C17orf50: variants seen among roughly 807,000 people sequenced by gnomAD.
The protein encoded by C17orf50 is uncharacterized protein C17orf50.
Under a neutral mutation model 17.7 loss-of-function variants are expected in C17orf50, and 16 were observed. The ratio of observed to expected loss-of-function variants is 0.90; its 90% CI spans 0.61 to 1.37. The LOEUF is 1.37. C17orf50 is among the 40% of genes most tolerant of loss of function. C17orf50 has a pLI of 0.00. For synonymous variants in C17orf50, 125 were observed against 111.0 expected (o/e 1.13, Z -0.80); for missense variants, 271 against 240.7 (o/e 1.13, Z -0.83).
Position 35,764,500 on chromosome 17 carries a change from G to C in C17orf50, c.407G>C (p.Cys136Ser). The change falls in exon 3 of 3, where the codon TGC (cysteine) becomes TCC (serine). Residue 136 changes from cysteine to serine, a missense_variant. By Grantham distance (112) the Cys-to-Ser change is moderately radical (BLOSUM62 -1). Coordinates refer to ENST00000605587, the MANE Select transcript of C17orf50 (RefSeq NM_145272.4). The part of the protein sequence containing the change: ...RRPPRRGGCA[C>S]CELLFCKKCR... Reference sequence around the variant, plus strand: ...CCGCCGCGCCGCGGGGGCTGTGCTTGCTGCGAGCTCCTCTTCTGCAAGAAA... The same window carrying C: ...CCGCCGCGCCGCGGGGGCTGTGCTTCCTGCGAGCTCCTCTTCTGCAAGAAA... 1.3e-6 allele frequency: 2 copies of C among 1,587,152 alleles called. No homozygotes were observed. The highest frequency in any genetic ancestry group is 8.6e-7 in the Non-Finnish European group (1 of 1,169,430).
chr17:35,761,978 C>A (rs1456747071), intron 1 of C17orf50, among the ~76,000 whole-genome samples: 1 of 152,016 alleles, frequency 6.6e-6, no homozygotes, highest in Admixed American at 6.6e-5. Flanking sequence ...AGAAACGTTT[C>A]TTTTTCTTTC....
intron 1 of C17orf50, 69 bp from the exon 2 acceptor site, chr17:35,763,938 A>AAATAAATG: frequency 9.3e-7 from 1 of 1,077,422 alleles, no homozygotes; most frequent in Non-Finnish European, 1.2e-6. Context: ...ATAAATAAAT[A>AAATAAATG]CATGAAAAAT....
chr17:35,763,168 C>A (rs1260155527), intron 1 of C17orf50, among the ~76,000 whole-genome samples: 4 of 151,872 alleles, frequency 2.6e-5, no homozygotes, highest in Admixed American at 6.6e-5. Flanking sequence ...GGAGGCGGCT[C>A]GTGGCTGTGA....
chr17:35,764,101 C>T lies in C17orf50; in HGVS notation c.108C>T (p.Asp36=), dbSNP rs1555602120. 2.6e-6 allele frequency: 4 copies of T among 1,550,228 alleles called. No homozygotes were observed. Among genetic ancestry groups the T allele is most frequent in the East Asian group, 4.9e-5 (2 of 40,870 alleles). Residue 36 remains aspartate, a synonymous_variant, in exon 2 of 3, where the codon GAC becomes GAT. Transcript: ENST00000605587. ...GGAAGGAGGGGTCGGAGGACGAGGA[C>T]GAGGACAACCAGAGGCCGCTGGAGG... ...EEGKEGSEDE[D]EDNQRPLEDS... is the part of the protein sequence containing the mutation.
At chr17:35,761,637 C>T (rs76960253) in intron 1 of C17orf50, among the ~76,000 whole-genome samples, 1,798 of 152,254 alleles carry the variant, frequency 0.012, 12 homozygotes, top group Non-Finnish European at 0.017. Context: ...AGACCTTTGT[C>T]TTCTCCGGCC....
chr17:35,764,510 C>T lies in C17orf50; in HGVS notation c.417C>T (p.Leu139=), dbSNP rs782699645. The T allele has an allele frequency of 6.3e-7, 1 of 1,594,676 alleles. No homozygotes were observed. The highest frequency in any genetic ancestry group is 8.5e-7 in the Non-Finnish European group (1 of 1,173,278). ...GCGGGGGCTGTGCTTGCTGCGAGCT[C>T]CTCTTCTGCAAGAAATGCAGGAGTC... ...PRRGGCACCE[L]LFCKKCRSLH... is the part of the protein sequence containing the mutation. Residue 139 remains leucine, a synonymous_variant, in exon 3 of 3, where the codon CTC becomes CTT. Transcript: ENST00000605587.
At chr17:35,761,096 T>A in intron 1 of C17orf50, 142 bp downstream of exon 1, 1 of 791,924 alleles carries the variant, frequency 1.3e-6, no homozygotes. Flanking sequence ...TTCGCCTTCC[T>A]GAATTTTTTT....
chr17:35,764,183 G>C lies in C17orf50; in HGVS notation c.190G>C (p.Glu64Gln). The stretch of plus-strand genomic sequence containing the variant: ...GGTAGCGGAGGAGGGCGAAGGCCGC[G>C]AGCGGCGCTCAGTGTCCTACTGCCC... ...PRVAEEGEGR[E>Q]RRSVSYCPLR... The change falls in exon 2 of 3, where the codon GAG becomes CAG. Residue 64 changes from glutamate (E) to glutamine (Q), a missense_variant. Glu to Gln is a conservative substitution (Grantham distance 29). Transcript: ENST00000605587. 6.5e-7 allele frequency: 1 copy of C among 1,548,278 alleles called. No homozygotes were observed.
At chr17:35,761,080 T>G in intron 1 of C17orf50, 126 bp downstream of exon 1, 1 of 945,454 alleles carries the variant, frequency 1.1e-6, no homozygotes, top group Non-Finnish European at 1.5e-6. Flanking sequence ...CTGCAAGCCC[T>G]CTCCTTTCGC....
intron 1 of C17orf50, among the ~76,000 whole-genome samples, chr17:35,763,619 G>A (rs2085869215): frequency 6.6e-6 from 1 of 151,686 alleles, no homozygotes; most frequent in Non-Finnish European, 1.5e-5. Flanking sequence ...ATCCAGGGCC[G>A]GGTGCAGTGA....
intron 1 of C17orf50, among the ~76,000 whole-genome samples, chr17:35,763,689 G>A (rs1418817467): frequency 2.0e-5 from 3 of 151,782 alleles, no homozygotes; most frequent in African/African-American, 7.3e-5. Context: ...CTGAGGTCAG[G>A]AGTTTGAGAC....
rs781865674 is a variant in C17orf50 at position 35,764,375 on chromosome 17, C to A, written c.332+50C>A. ...GCACGAGGGAGGCGGTGCCCGGGCCCCAGGGAGGAGGGGCTGCCCCAGGCA... is the reference window on the plus strand; with the variant it reads ...GCACGAGGGAGGCGGTGCCCGGGCCACAGGGAGGAGGGGCTGCCCCAGGCA... On this transcript the variant is annotated intron_variant, in intron 2 of 2. Transcript: ENST00000605587. The A allele has an allele frequency of 8.9e-6, 13 of 1,459,326 alleles. No individual in the cohort carries two copies. In the East Asian group the frequency reaches 3.5e-4, roughly 39 times the overall value. 90.4% of individuals were successfully genotyped at this position (1,459,326 alleles called of 1,614,324 possible).
At chr17:35,761,407 G>C (rs1555601482) in intron 1 of C17orf50, among the ~76,000 whole-genome samples, 1 of 150,326 alleles carries the variant, frequency 6.7e-6, no homozygotes, top group Non-Finnish European at 1.5e-5. Flanking sequence ...CACTGTGCCT[G>C]GCCTGTTTTT....
chr17:35,761,589 C>CT (rs1209495461), intron 1 of C17orf50, among the ~76,000 whole-genome samples: 1 of 151,966 alleles, frequency 6.6e-6, no homozygotes, highest in African/African-American at 2.4e-5. Flanking sequence ...CCAGAATAGT[C>CT]TTAACATCTG....
intron 1 of C17orf50, among the ~76,000 whole-genome samples, chr17:35,762,270 A>G (rs782101904): frequency 6.6e-6 from 1 of 152,136 alleles, no homozygotes; most frequent in Non-Finnish European, 1.5e-5. Context: ...GATTACAGGC[A>G]TGAGCCACCG....
chr17:35,761,136 C>T (rs1168419505), intron 1 of C17orf50, among the ~76,000 whole-genome samples, 182 bp downstream of exon 1: 1 of 141,280 alleles, frequency 7.1e-6, no homozygotes, highest in Non-Finnish European at 1.5e-5. Context: ...TAGAGTCTTG[C>T]TCTATCACCC....
chr17:35,763,438 CTTTT>C (rs782005643), intron 1 of C17orf50, among the ~76,000 whole-genome samples: 143 of 101,514 alleles, frequency 1.4e-3, no homozygotes, highest in Non-Finnish European at 2.3e-3. Flanking sequence ...CCATGCCCAG[CTTTT>C]TTTTTTTTTT....
intron 1 of C17orf50, among the ~76,000 whole-genome samples, chr17:35,762,169 T>C (rs1375278028): frequency 6.6e-6 from 1 of 152,142 alleles, no homozygotes; most frequent in African/African-American, 2.4e-5. Context: ...TTGGTATTTT[T>C]AGTAGAGACG....
Position 35,764,832 on chromosome 17 carries a change from T to G in C17orf50, c.*214T>G. On this transcript the variant is annotated 3_prime_UTR_variant, in exon 3 of 3. Transcript: ENST00000605587. ...AGCGCCCCCAGTGCAGAGCCCAGCA[T>G]AACCTAGAGCCCGCTGTCAACAGCG... 1 of 495,882 alleles carries G rather than the reference T, an allele frequency of 2.0e-6. No individual in the cohort carries two copies. Among genetic ancestry groups the G allele is most frequent in the Non-Finnish European group, 3.4e-6 (1 of 290,550 alleles). 30.7% of individuals were successfully genotyped at this position (495,882 alleles called of 1,614,324 possible).
Sources: gnomAD v4.1 joint callset for allele counts (sites outside exome capture counted in the v4.1 genomes callset) on GRCh38, gnomAD v4.1.1 for gene constraint, MANE v1.5 for transcripts, NCBI Gene and HGNC (gene_info 2026-07-23, HGNC 2026-07-21) for gene names.